Variants in LIMA1 observed in about 807,000 individuals in gnomAD.
LIMA1 encodes the protein LIM domain and actin binding 1.
LIMA1 carries 52 observed loss-of-function variants against 62.6 expected under a neutral mutation model. That is an observed-to-expected ratio of 0.83 (90% CI 0.67 to 1.05). The LOEUF (loss-of-function observed/expected upper bound fraction) is 1.05, where lower values mean the gene tolerates loss of function less well. LIMA1 is among the 50% of genes least tolerant of loss of function. LIMA1 has a pLI of 0.00. For missense variants in LIMA1, 780 were observed against 902.2 expected, an observed-to-expected ratio of 0.86 and a Z score of 1.74; for synonymous variants, 302 against 317.8, an observed-to-expected ratio of 0.95 and a Z score of 0.53.
intron 1 of LIMA1, among the ~76,000 whole-genome samples, chr12:50,258,936 G>A (rs921231932): frequency 2.9e-4 from 44 of 152,080 alleles, no homozygotes; most frequent in African/African-American, 9.4e-4. Flanking sequence ...GTGAGTCACC[G>A]CGCCCAGCCC....
At chr12:50,197,251 A>G (rs1940949850) in intron 7 of LIMA1, among the ~76,000 whole-genome samples, 1 of 151,854 alleles carries the variant, frequency 6.6e-6, no homozygotes, top group Non-Finnish European at 1.5e-5. Flanking sequence ...TTGTATTTTT[A>G]GTAGAGCAGG....
At chr12:50,220,152 C>G (rs1457612717) in intron 4 of LIMA1, among the ~76,000 whole-genome samples, 1 of 152,048 alleles carries the variant, frequency 6.6e-6, no homozygotes, top group Non-Finnish European at 1.5e-5. Context: ...CCTCCACCTC[C>G]CAGGTTCAAG....
intron 1 of LIMA1, among the ~76,000 whole-genome samples, chr12:50,268,517 G>A (rs926282079): frequency 2.0e-5 from 3 of 152,102 alleles, no homozygotes; most frequent in Admixed American, 6.5e-5. Context: ...ATTGAGTACT[G>A]GCCATATGCC....
intron 4 of LIMA1, among the ~76,000 whole-genome samples, chr12:50,210,758 C>T (rs1359012415): frequency 6.6e-6 from 1 of 152,164 alleles, no homozygotes; most frequent in Non-Finnish European, 1.5e-5. Context: ...AATAAGGCCC[C>T]CTTACCTTTT....
At chr12:50,201,121 C>T (rs1941040810) in intron 6 of LIMA1, 9 of 1,268,918 alleles carry the variant, frequency 7.1e-6, no homozygotes, top group South Asian at 6.9e-5. Context: ...CTGGATTGCT[C>T]ATTAGAATAC....
At chr12:50,207,651 G>A (rs769347428) in intron 4 of LIMA1, among the ~76,000 whole-genome samples, 2 of 152,072 alleles carry the variant, frequency 1.3e-5, no homozygotes, top group African/African-American at 2.4e-5. Context: ...CATTTTGGGA[G>A]GCCAAGGCGG....
chr12:50,211,433 AG>A (rs1565842523), intron 4 of LIMA1, among the ~76,000 whole-genome samples: 1 of 150,068 alleles, frequency 6.7e-6, no homozygotes, highest in Non-Finnish European at 1.5e-5. Flanking sequence ...GCTTGAGGCC[AG>A]GAGTTTGAGA....
chr12:50,266,440 C>T (rs1408345121), intron 1 of LIMA1, among the ~76,000 whole-genome samples: 1 of 152,144 alleles, frequency 6.6e-6, no homozygotes, highest in Non-Finnish European at 1.5e-5. Flanking sequence ...AACATCTTCC[C>T]ACCTCAGGGC....
intron 1 of LIMA1, among the ~76,000 whole-genome samples, chr12:50,270,784 TAA>T (rs1419892243): frequency 6.6e-6 from 1 of 151,944 alleles, no homozygotes. Flanking sequence ...TTTAGACAGG[TAA>T]AAAAGAGTAA....
intron 4 of LIMA1, among the ~76,000 whole-genome samples, chr12:50,221,815 C>A (rs1333649567): frequency 6.6e-6 from 1 of 152,166 alleles, no homozygotes; most frequent in East Asian, 1.9e-4. Flanking sequence ...CCAGTGTGAA[C>A]CTGATTTAAC....
chr12:50,240,051 C>CATAAA lies in LIMA1; in HGVS notation c.120-8342_120-8341insTTTAT, dbSNP rs1362982064. ...CATAACATAACATAACATAACATAACATAACATAAAATAAAAAATTTTTAA... is the reference window on the plus strand; with the variant it reads ...CATAACATAACATAACATAACATAACATAAAATAACATAAAATAAAAAATTTTTAA... On this transcript the variant is annotated intron_variant, in intron 2 of 10. Transcript: ENST00000341247. 1.5e-4 allele frequency among the ~76,000 whole-genome samples: 20 copies of CATAAA among 136,898 alleles called. 1 individual carries two copies. Among genetic ancestry groups the CATAAA allele is most frequent in the African/African-American group, 4.6e-4 (16 of 34,926 alleles). The allele number at this position is 136,898 out of a possible 152,430, so 89.8% of individuals were successfully genotyped here.
Position 50,224,819 on chromosome 12 carries a change from C to G in LIMA1, c.166-2334G>C, listed in dbSNP as rs377451415. ...ATCATAGCTCACTGCAGCTGTTTGA[C>G]TTCCTGGGCTCAAGTGATCCTCCCA... is the stretch of plus-strand genomic sequence containing the variant. On this transcript the variant is annotated intron_variant, in intron 3 of 10. Transcript: ENST00000341247. 2.6e-5 allele frequency among the ~76,000 whole-genome samples: 4 copies of G among 151,806 alleles called. No homozygotes were observed. In the East Asian group the frequency reaches 7.7e-4, roughly 29 times the overall value.
intron 9 of LIMA1, among the ~76,000 whole-genome samples, chr12:50,190,592 C>T (rs1427073992): frequency 7.1e-6 from 1 of 141,418 alleles, no homozygotes; most frequent in Non-Finnish European, 1.5e-5. Context: ...GTTGTTCAGG[C>T]TGGTCTTGAA....
chr12:50,195,778 T>C, intron 8 of LIMA1, 52 bp downstream of exon 8: 2 of 1,550,400 alleles, frequency 1.3e-6, no homozygotes, highest in African/African-American at 2.8e-5. Context: ...CTGAACCAAA[T>C]ACAGATAGAA....
Position 50,177,642 on chromosome 12 carries a change from G to T in LIMA1, c.1702C>A (p.Pro568Thr), listed in dbSNP as rs750550657. ...PEDEISKPEV[P>T]EDVDLDLKKL... ...TTCAGATCTAGATCGACATCCTCAG[G>T]AACTTCGGGCTTGCTGATTTCGTCT... The change falls in exon 11 of 11, where the codon CCT becomes ACT. Residue 568 changes from proline to threonine, a missense_variant. Coordinates refer to ENST00000341247, the MANE Select transcript of LIMA1 (RefSeq NM_016357.5). The T allele has an allele frequency of 5.0e-6, 8 of 1,608,058 alleles. No homozygotes were observed. In the East Asian group the frequency reaches 1.8e-4, roughly 36 times the overall value.
intron 7 of LIMA1, 114 bp downstream of exon 7, chr12:50,200,663 G>A: frequency 8.4e-7 from 1 of 1,187,422 alleles, no homozygotes; most frequent in Non-Finnish European, 1.2e-6. Context: ...CCTGGCAGCT[G>A]TTACCAAATT....
In LIMA1 at chr12:50,204,545, C is replaced by A; in HGVS notation, c.864+7G>T. ...GAATGAATGAATGAATGATGCAGAA[C>A]ACATACTGTATAGTTGGTTGAGCTG... is the stretch of plus-strand genomic sequence containing the variant. On this transcript the variant is annotated splice_region_variant and intron_variant, in intron 6 of 10. Coordinates refer to ENST00000341247, the MANE Select transcript of LIMA1 (RefSeq NM_016357.5). 1 of 1,613,012 alleles carries A rather than the reference C, an allele frequency of 6.2e-7. No individual in the cohort carries two copies.
chr12:50,213,878 A>ATAGT (rs559315603), intron 4 of LIMA1, among the ~76,000 whole-genome samples: 3 of 152,228 alleles, frequency 2.0e-5, no homozygotes, highest in Non-Finnish European at 2.9e-5. Flanking sequence ...AAACCAGTAC[A>ATAGT]TAGTTAGTGG....
intron 2 of LIMA1, among the ~76,000 whole-genome samples, chr12:50,248,416 G>A (rs974623011): frequency 1.3e-5 from 2 of 152,004 alleles, no homozygotes; most frequent in East Asian, 1.9e-4. Flanking sequence ...GTCTATAACT[G>A]TTTCTTCCAC....
Sources: gnomAD v4.1 joint callset for allele counts (sites outside exome capture counted in the v4.1 genomes callset) on GRCh38, gnomAD v4.1.1 for gene constraint, MANE v1.5 for transcripts, NCBI Gene and HGNC (gene_info 2026-07-23, HGNC 2026-07-21) for gene names.